RBFOX1: variants seen among roughly 807,000 people sequenced by gnomAD.
The protein encoded by RBFOX1 is RNA binding protein fox-1 homolog 1.
In RBFOX1, 8 loss-of-function variants were observed where a neutral mutation model predicts 57.7. That is an observed-to-expected ratio of 0.14 (90% CI 0.08 to 0.25). The LOEUF is 0.25. Among genes scored for constraint, RBFOX1 ranks in the 10% least tolerant of loss-of-function variants. RBFOX1 has a pLI of 1.00. For synonymous variants in RBFOX1, 326 were observed against 222.4 expected (o/e 1.47, Z -4.15); for missense variants, 611 against 548.5 (o/e 1.11, Z -1.14).
intron 1 of RBFOX1, among the ~76,000 whole-genome samples, chr16:6,259,113 T>C (rs2097686428): frequency 6.6e-6 from 1 of 152,188 alleles, no homozygotes; most frequent in East Asian, 1.9e-4. Context: ...GAGCTGAACA[T>C]TTCAAGTGTG....
intron 2 of RBFOX1, among the ~76,000 whole-genome samples, chr16:6,391,733 A>G (rs2092612023): frequency 6.6e-6 from 1 of 152,128 alleles, no homozygotes; most frequent in Admixed American, 6.6e-5. Flanking sequence ...TTATTTGTGG[A>G]CCAGATGGAT....
At chr16:7,709,026 G>A in intron 14 of RBFOX1, 30 bp from the exon 15 acceptor site, 1 of 1,576,598 alleles carries the variant, frequency 6.3e-7, no homozygotes, top group Non-Finnish European at 8.7e-7. Context: ...GCATACTGTG[G>A]ATCAATCTTC....
chr16:7,051,097 C>G (rs530689505), intron 3 of RBFOX1, among the ~76,000 whole-genome samples: 1 of 152,106 alleles, frequency 6.6e-6, no homozygotes, highest in African/African-American at 2.4e-5. Context: ...TTGTCTGGTC[C>G]TGGAAGTCGG....
chr16:6,970,360 T>A (rs1358750888), intron 3 of RBFOX1, among the ~76,000 whole-genome samples: 2 of 152,316 alleles, frequency 1.3e-5, no homozygotes, highest in East Asian at 3.9e-4. Flanking sequence ...GTTTGTCTTT[T>A]CTCAGTTGCA....
chr16:6,630,794 C>T (rs747850279), intron 2 of RBFOX1, among the ~76,000 whole-genome samples: 7 of 152,030 alleles, frequency 4.6e-5, no homozygotes, highest in South Asian at 2.1e-4. Flanking sequence ...CTATGTTACC[C>T]GACCTGCTCG....
intron 3 of RBFOX1, among the ~76,000 whole-genome samples, chr16:5,609,850 G>A (rs1465183313): frequency 3.4e-5 from 5 of 148,712 alleles, no homozygotes; most frequent in South Asian, 2.2e-4. Flanking sequence ...TGGGGGTGGG[G>A]AGCAGAGGAC....
At chr16:6,162,020 C>T (rs979824596) in intron 1 of RBFOX1, among the ~76,000 whole-genome samples, 4 of 152,158 alleles carry the variant, frequency 2.6e-5, no homozygotes, top group Admixed American at 6.5e-5. Context: ...AGTTATTAAC[C>T]AGCATTAGCT....
chr16:6,529,109 T>A (rs903462233), intron 2 of RBFOX1, among the ~76,000 whole-genome samples: 2 of 152,180 alleles, frequency 1.3e-5, no homozygotes, highest in Non-Finnish European at 1.5e-5. Context: ...CACCTTGTTA[T>A]ACTCCGAAAT....
chr16:5,343,546 A>G (rs2065078705), intron 1 of RBFOX1, among the ~76,000 whole-genome samples: 1 of 151,496 alleles, frequency 6.6e-6, no homozygotes, highest in Non-Finnish European at 1.5e-5. Flanking sequence ...TGGTCTTGAT[A>G]TCCTGTCCTC....
In RBFOX1 at chr16:7,646,703, C is replaced by T. The variant is rs186679975; in HGVS notation, c.758-7112C>T. ...TTTGGTGCAGAATCCGCCCCCCTGT[C>T]GGGTTTTGCATCTGCTACTCTTCCA... On this transcript the variant is annotated intron_variant, in intron 11 of 15. Coordinates refer to ENST00000550418, the MANE Select transcript of RBFOX1 (RefSeq NM_018723.4). 2.4e-3 allele frequency among the ~76,000 whole-genome samples: 361 copies of T among 152,308 alleles called. 1 individual carries two copies. The highest frequency in any genetic ancestry group is 7.1e-3 in the African/African-American group (294 of 41,574).
At chr16:6,125,834 G>A (rs1436662210) in intron 1 of RBFOX1, among the ~76,000 whole-genome samples, 1 of 152,186 alleles carries the variant, frequency 6.6e-6, no homozygotes, top group African/African-American at 2.4e-5. Flanking sequence ...TGTATTGTGA[G>A]ATGTACAAAC....
intron 2 of RBFOX1, among the ~76,000 whole-genome samples, chr16:6,356,973 C>T (rs1600050948): frequency 6.6e-6 from 1 of 152,106 alleles, no homozygotes; most frequent in Non-Finnish European, 1.5e-5. Context: ...CCTCCAGCAG[C>T]CCGGTAATGG....
chr16:6,813,851 C>A (rs1028329141), intron 3 of RBFOX1, among the ~76,000 whole-genome samples: 8 of 152,000 alleles, frequency 5.3e-5, no homozygotes, highest in Admixed American at 5.2e-4. Context: ...ACCCCTCTGG[C>A]TTCCATCTGA....
At chr16:6,522,854 CTT>C (rs145580147) in intron 2 of RBFOX1, among the ~76,000 whole-genome samples, 6,765 of 152,138 alleles carry the variant, frequency 0.044, 229 homozygotes, top group Non-Finnish European at 0.07. Context: ...TGCTCACAAA[CTT>C]CTCTCTCTAG....
chr16:5,751,716 A>G (rs566875615), intron 3 of RBFOX1, among the ~76,000 whole-genome samples: 8 of 152,300 alleles, frequency 5.3e-5, no homozygotes, highest in African/African-American at 1.9e-4. Flanking sequence ...TAGAATATCC[A>G]CTATTGCAAT....
At chr16:6,058,653 CCCATCCATCCAT>C (rs1320051057) in intron 1 of RBFOX1, among the ~76,000 whole-genome samples, 2 of 148,174 alleles carry the variant, frequency 1.3e-5, no homozygotes, top group East Asian at 4.1e-4. Context: ...CATCCATCCA[CCCATCCATCCAT>C]CCACCCACCA....
At chr16:7,187,449 A>G (rs8055115) in intron 4 of RBFOX1, among the ~76,000 whole-genome samples, 85,746 of 150,596 alleles carry the variant, frequency 0.57, 24,521 homozygotes, top group African/African-American at 0.6. Flanking sequence ...CAGCACTTTG[A>G]GAGGCCAAGG....
At chr16:5,568,487 T>G (rs2046152074) in intron 2 of RBFOX1, among the ~76,000 whole-genome samples, 2 of 152,128 alleles carry the variant, frequency 1.3e-5, no homozygotes, top group African/African-American at 4.8e-5. Context: ...TCAGTGTTCG[T>G]CAAGATGGAG....
intron 3 of RBFOX1, among the ~76,000 whole-genome samples, chr16:6,817,258 C>A (rs1421303508): frequency 1.3e-5 from 2 of 152,084 alleles, no homozygotes; most frequent in East Asian, 3.9e-4. Flanking sequence ...ACCCAGGTAA[C>A]ATACTTCTGA....
Sources: gnomAD v4.1 joint callset for allele counts (sites outside exome capture counted in the v4.1 genomes callset) on GRCh38, gnomAD v4.1.1 for gene constraint, MANE v1.5 for transcripts, NCBI Gene and HGNC (gene_info 2026-07-23, HGNC 2026-07-21) for gene names.